ANKS1B: variants seen among roughly 807,000 people sequenced by gnomAD.
ANKS1B encodes the protein ankyrin repeat and sterile alpha motif domain-containing protein 1B.
ANKS1B carries 36 observed loss-of-function variants against 148.3 expected under a neutral mutation model. That is an observed-to-expected ratio of 0.24 (90% CI 0.19 to 0.32). The LOEUF (loss-of-function observed/expected upper bound fraction) is 0.32. ANKS1B is among the 10% of genes least tolerant of loss of function. ANKS1B has a pLI of 1.00. For missense variants in ANKS1B, 1,157 were observed against 1,542.6 expected (o/e 0.75, Z 4.19); for synonymous variants, 542 against 560.8 (o/e 0.97, Z 0.47).
At chr12:99,674,980 C>T (rs1257994026) in intron 8 of ANKS1B, among the ~76,000 whole-genome samples, 1 of 151,812 alleles carries the variant, frequency 6.6e-6, no homozygotes, top group Non-Finnish European at 1.5e-5. Context: ...AAAAGTAGTA[C>T]AATTGACCAC....
At chr12:99,060,401 C>T (rs1238015039) in intron 16 of ANKS1B, among the ~76,000 whole-genome samples, 1 of 151,952 alleles carries the variant, frequency 6.6e-6, no homozygotes, top group African/African-American at 2.4e-5. Context: ...ACAACCCATG[C>T]TCTGAGACTG....
At chr12:99,749,199 T>C (rs1349840553) in intron 8 of ANKS1B, among the ~76,000 whole-genome samples, 2 of 152,112 alleles carry the variant, frequency 1.3e-5, no homozygotes, top group African/African-American at 4.8e-5. Context: ...CGGGGCTAAT[T>C]AATCAATACA....
At chr12:99,187,446 G>C (rs1325708609) in intron 14 of ANKS1B, among the ~76,000 whole-genome samples, 1 of 152,100 alleles carries the variant, frequency 6.6e-6, no homozygotes, top group South Asian at 2.1e-4. Flanking sequence ...AGAGAGAAAG[G>C]TTAGGTTACC....
intron 8 of ANKS1B, among the ~76,000 whole-genome samples, chr12:99,666,544 G>A (rs761543436): frequency 1.8e-4 from 28 of 152,156 alleles, no homozygotes; most frequent in Non-Finnish European, 3.1e-4. Context: ...TGTAGGGGTG[G>A]TATATCTTTG....
intron 9 of ANKS1B, among the ~76,000 whole-genome samples, chr12:99,641,345 A>G (rs968282966): frequency 1.3e-5 from 2 of 152,240 alleles, no homozygotes; most frequent in African/African-American, 4.8e-5. Context: ...TTTATGGCCA[A>G]CAAATAATAG....
chr12:98,801,086 G>A lies in ANKS1B; in HGVS notation c.3181C>T (p.Pro1061Ser). The change falls in exon 21 of 27, where the codon CCG (proline) becomes TCG (serine). Residue 1061 changes from proline (P) to serine (S), a missense_variant. By Grantham distance (74) the Pro-to-Ser change is moderately conservative. Coordinates refer to ENST00000683438, the MANE Select transcript of ANKS1B (RefSeq NM_001352186.2). This position sits in a 1 kb window ranked among gnomAD's most constrained non-coding sequence, Gnocchi z 5.2. ...WGEPSITLRP[P>S]NEATASTPVQ... ...GGGGTAGAGGCTGTGGCTTCATTCG[G>A]AGGTCGCAAGGTAATGGAAGGTTCT... The A allele has an allele frequency of 3.7e-6, 6 of 1,612,820 alleles. No individual in the cohort carries two copies. The highest frequency in any genetic ancestry group is 5.1e-6 in the Non-Finnish European group (6 of 1,179,424).
intron 8 of ANKS1B, among the ~76,000 whole-genome samples, chr12:99,729,548 T>G (rs2058937575): frequency 6.6e-6 from 1 of 152,236 alleles, no homozygotes. Flanking sequence ...ATTGTTGTCC[T>G]ACCTTCCTTT....
At chr12:98,894,330 T>C (rs1236977250) in intron 17 of ANKS1B, among the ~76,000 whole-genome samples, 1 of 137,922 alleles carries the variant, frequency 7.3e-6, no homozygotes, top group Non-Finnish European at 1.5e-5. Context: ...GCAATTTACC[T>C]CCTCAAACTC....
At chr12:99,532,847 GTTTCT>G (rs1404813540) in intron 9 of ANKS1B, among the ~76,000 whole-genome samples, 1 of 152,050 alleles carries the variant, frequency 6.6e-6, no homozygotes, top group Non-Finnish European at 1.5e-5. Context: ...ATTTTGCTTT[GTTTCT>G]GGGTTCTCAA....
At chr12:99,219,537 G>A (rs1445390025) in intron 14 of ANKS1B, among the ~76,000 whole-genome samples, 1 of 152,100 alleles carries the variant, frequency 6.6e-6, no homozygotes, top group African/African-American at 2.4e-5. Context: ...TCATTATAGA[G>A]AAGTTAAATA....
intron 9 of ANKS1B, among the ~76,000 whole-genome samples, chr12:99,520,087 G>C (rs1281594568): frequency 6.6e-6 from 1 of 152,114 alleles, no homozygotes; most frequent in Non-Finnish European, 1.5e-5. Context: ...TTCTACTTAA[G>C]ATATGAGTAG....
In ANKS1B at chr12:99,393,781, C is replaced by A. The variant is rs962031056; in HGVS notation, c.1756+5850G>T. ...CTTTGACCCCACTGGAATCTCCAGT[C>A]CTAAGATCTTATTGATTTTTCAGTG... On this transcript the variant is annotated intron_variant, in intron 12 of 26. Transcript: ENST00000683438. 4.6e-5 allele frequency among the ~76,000 whole-genome samples: 7 copies of A among 152,276 alleles called. No individual in the cohort carries two copies. The East Asian group carries it at 1.4e-3, about 29-fold the overall frequency.
At chr12:99,203,859 G>T (rs1378554852) in intron 14 of ANKS1B, among the ~76,000 whole-genome samples, 1 of 152,138 alleles carries the variant, frequency 6.6e-6, no homozygotes, top group East Asian at 1.9e-4. Flanking sequence ...TGTTTCACCA[G>T]CTAGACTGTT....
chr12:99,820,260 G>C (rs957374026), intron 2 of ANKS1B, among the ~76,000 whole-genome samples: 3 of 151,848 alleles, frequency 2.0e-5, no homozygotes, highest in Admixed American at 2.0e-4. Flanking sequence ...TGCATTTCAG[G>C]TACAAAATGC....
At chr12:98,806,728 A>G (rs1173922891) in intron 20 of ANKS1B, among the ~76,000 whole-genome samples, 4 of 152,232 alleles carry the variant, frequency 2.6e-5, no homozygotes, top group African/African-American at 9.6e-5. Context: ...AAAATCTTCA[A>G]GAATGAAGAA....
intron 25 of ANKS1B, among the ~76,000 whole-genome samples, chr12:98,753,253 TC>T: frequency 6.6e-6 from 1 of 152,290 alleles, no homozygotes; most frequent in East Asian, 1.9e-4. Context: ...AAGCACAGCT[TC>T]CCCTTGTCTT....
intron 9 of ANKS1B, among the ~76,000 whole-genome samples, chr12:99,642,987 C>A (rs1237619692): frequency 6.6e-6 from 1 of 151,446 alleles, no homozygotes; most frequent in African/African-American, 2.4e-5. Flanking sequence ...ACATTGGGCA[C>A]ACATTGATAA....
At chr12:99,683,821 A>G (rs1463052650) in intron 8 of ANKS1B, among the ~76,000 whole-genome samples, 1 of 147,816 alleles carries the variant, frequency 6.8e-6, no homozygotes, top group African/African-American at 2.5e-5. Flanking sequence ...ATGGTTCAAC[A>G]TACACAAATA....
chr12:99,382,508 G>A (rs2093680053), intron 12 of ANKS1B, among the ~76,000 whole-genome samples: 1 of 151,978 alleles, frequency 6.6e-6, no homozygotes, highest in African/African-American at 2.4e-5. Flanking sequence ...TTCGAGACCA[G>A]TCAACATGGC....
Sources: gnomAD v4.1 joint callset for allele counts (sites outside exome capture counted in the v4.1 genomes callset) on GRCh38, gnomAD v4.1.1 for gene constraint, Gnocchi (gnomAD v3.1) non-coding constraint, MANE v1.5 for transcripts, NCBI Gene and HGNC (gene_info 2026-07-23, HGNC 2026-07-21) for gene names.